Variants in CNTLN observed in about 807,000 individuals in gnomAD.
CNTLN encodes the protein centlein.
Under a neutral mutation model 180.0 loss-of-function variants are expected in CNTLN, and 212 were observed. That is an observed-to-expected ratio of 1.18 (90% confidence interval 1.05 to 1.32). CNTLN has a LOEUF of 1.32. Ranked by LOEUF, CNTLN falls within the 40% of genes most tolerant of loss-of-function variation. The pLI is 0.00. For synonymous variants in CNTLN, 722 were observed against 563.1 expected (o/e 1.28, Z -3.99); for missense variants, 2,095 against 1,610.9 (o/e 1.30, Z -5.14).
intron 12 of CNTLN, among the ~76,000 whole-genome samples, chr9:17,345,464 G>A (rs931769344): frequency 7.3e-5 from 11 of 150,112 alleles, no homozygotes; most frequent in African/African-American, 2.2e-4. Flanking sequence ...CTTCATATGG[G>A]TTACTTAAGC....
chr9:17,523,335 A>C, the CNTLN span, among the ~76,000 whole-genome samples: 3 of 152,142 alleles, frequency 2.0e-5, no homozygotes, highest in Non-Finnish European at 2.9e-5. Context: ...GTCCTGGTTC[A>C]AGCGATTCTG....
chr9:17,331,599 T>A (rs1820647072), intron 9 of CNTLN, among the ~76,000 whole-genome samples: 1 of 152,016 alleles, frequency 6.6e-6, no homozygotes, highest in Admixed American at 6.6e-5. Context: ...ATTGTTTTTG[T>A]TTCTTTCCAT....
chr9:17,255,648 C>T (rs866061908), intron 5 of CNTLN, among the ~76,000 whole-genome samples: 4 of 151,830 alleles, frequency 2.6e-5, no homozygotes, highest in Non-Finnish European at 4.4e-5. Context: ...TGTTTTCTAG[C>T]GTTGGTATCA....
chr9:17,327,789 A>C (rs533465991), intron 8 of CNTLN, among the ~76,000 whole-genome samples: 48 of 152,034 alleles, frequency 3.2e-4, no homozygotes, highest in Non-Finnish European at 6.8e-4. Context: ...CCCCTTCTCT[A>C]CTAAAAATAC....
intron 5 of CNTLN, among the ~76,000 whole-genome samples, chr9:17,254,388 A>G (rs1349881554): frequency 6.7e-6 from 1 of 150,112 alleles, no homozygotes; most frequent in Non-Finnish European, 1.5e-5. Flanking sequence ...ATCCAAAATC[A>G]TGATGTGTTT....
At chr9:17,251,928 G>A (rs1826168475) in intron 5 of CNTLN, among the ~76,000 whole-genome samples, 2 of 151,622 alleles carry the variant, frequency 1.3e-5, no homozygotes, top group African/African-American at 2.4e-5. Flanking sequence ...ATCTATCACT[G>A]TATTCCCAAG....
intron 18 of CNTLN, among the ~76,000 whole-genome samples, chr9:17,445,699 A>C (rs1434956920): frequency 6.6e-6 from 1 of 152,178 alleles, no homozygotes; most frequent in African/African-American, 2.4e-5. Context: ...GGTATTGTCC[A>C]AGGTTTCTCC....
chr9:17,500,928 T>A (rs1019678665), intron 25 of CNTLN, among the ~76,000 whole-genome samples: 1 of 152,238 alleles, frequency 6.6e-6, no homozygotes, highest in African/African-American at 2.4e-5. Flanking sequence ...AACTCTTTTT[T>A]ACATCCAAGA....
intron 12 of CNTLN, among the ~76,000 whole-genome samples, chr9:17,359,350 A>C (rs1366111254): frequency 6.6e-6 from 1 of 152,070 alleles, no homozygotes; most frequent in African/African-American, 2.4e-5. Flanking sequence ...AAAGCACTAA[A>C]TAGAAATGAA....
intron 5 of CNTLN, among the ~76,000 whole-genome samples, chr9:17,242,085 A>G (rs1156519405): frequency 1.3e-5 from 2 of 152,154 alleles, no homozygotes; most frequent in Admixed American, 1.3e-4. Flanking sequence ...GTGCTGAACA[A>G]TAGTGGTGAA....
At chr9:17,142,246 T>C (rs575308898) in intron 1 of CNTLN, among the ~76,000 whole-genome samples, 1 of 152,306 alleles carries the variant, frequency 6.6e-6, no homozygotes, top group South Asian at 2.1e-4. Flanking sequence ...TTATGAGATT[T>C]ATTTTGCAAT....
chr9:17,348,429 T>A (rs1283966968), intron 12 of CNTLN, among the ~76,000 whole-genome samples: 1 of 152,170 alleles, frequency 6.6e-6, no homozygotes, highest in Non-Finnish European at 1.5e-5. Flanking sequence ...CCCTTTTACC[T>A]CTTTTCCTCT....
intron 18 of CNTLN, among the ~76,000 whole-genome samples, chr9:17,424,918 A>G (rs558304544): frequency 5.3e-5 from 8 of 152,276 alleles, no homozygotes; most frequent in Non-Finnish European, 7.4e-5. Context: ...ATAAAACTCT[A>G]TTCTTATAAA....
At chr9:17,492,491 TATC>T (rs1833219249) in intron 25 of CNTLN, among the ~76,000 whole-genome samples, 1 of 152,134 alleles carries the variant, frequency 6.6e-6, no homozygotes, top group Non-Finnish European at 1.5e-5. Context: ...AACAAACTTT[TATC>T]GAGTGCTGAT....
chr9:17,486,389 A>G (rs1408143885), intron 24 of CNTLN, among the ~76,000 whole-genome samples: 1 of 152,094 alleles, frequency 6.6e-6, no homozygotes, highest in African/African-American at 2.4e-5. Flanking sequence ...TGAATCATCA[A>G]CTGTACGTGT....
intron 12 of CNTLN, among the ~76,000 whole-genome samples, chr9:17,364,130 C>G (rs1416347288): frequency 2.0e-5 from 3 of 152,128 alleles, no homozygotes; most frequent in African/African-American, 7.2e-5. Flanking sequence ...TTTTGATACT[C>G]TTTAAGGCTA....
chr9:17,497,589 A>T (rs1833529158), intron 25 of CNTLN, among the ~76,000 whole-genome samples: 1 of 152,188 alleles, frequency 6.6e-6, no homozygotes, highest in Non-Finnish European at 1.5e-5. Flanking sequence ...CAACTTCTAG[A>T]GTAATTCAAA....
intron 8 of CNTLN, among the ~76,000 whole-genome samples, chr9:17,329,922 T>G (rs1405470018): frequency 6.6e-6 from 1 of 151,926 alleles, no homozygotes; most frequent in African/African-American, 2.4e-5. Context: ...GTAAATGTAG[T>G]TGTTAATTTG....
the CNTLN span, among the ~76,000 whole-genome samples, chr9:17,510,502 A>G: frequency 1.3e-5 from 2 of 152,132 alleles, no homozygotes; most frequent in African/African-American, 4.8e-5. Flanking sequence ...GATGAGATTA[A>G]CCTTTAAGTC....
Sources: allele counts gnomAD v4.1 joint callset (sites outside exome capture counted in the v4.1 genomes callset), GRCh38; gene constraint gnomAD v4.1.1; transcripts MANE v1.5; gene names NCBI Gene and HGNC (gene_info 2026-07-23, HGNC 2026-07-21).